The following EPN1 variants were observed in gnomAD, a reference collection of about 807,000 sequenced individuals.
The protein encoded by EPN1 is epsin 1.
A neutral mutation model predicts 56.9 loss-of-function variants in EPN1; 25 were observed. That is an observed-to-expected ratio of 0.44 (90% CI 0.32 to 0.61). The LOEUF is 0.61. Among genes scored for constraint, EPN1 ranks in the 20% least tolerant of loss-of-function variants. The pLI, the probability that EPN1 is intolerant of heterozygous loss-of-function variation, is 0.05. For synonymous variants in EPN1, 411 were observed against 361.8 expected (o/e 1.14, Z -1.54); for missense variants, 785 against 823.7 (o/e 0.95, Z 0.58).
rs751372828 is a variant in EPN1 at position 55,708,999 on chromosome 19, C to CA, written c.*13644dup. The CA allele has an allele frequency of 2.5e-6, 4 of 1,589,080 alleles. No homozygotes were observed. In the African/African-American group the frequency reaches 5.5e-5, roughly 22 times the overall value. On this transcript the variant is annotated 3_prime_UTR_variant, in exon 11 of 11. Transcript: ENST00000270460. ...GATGGGGAATTTTTTCTTCCACAGACATCAGGATCTTCTGAGTTTCTTCAT... is the reference window on the plus strand; with the variant it reads ...GATGGGGAATTTTTTCTTCCACAGACAATCAGGATCTTCTGAGTTTCTTCAT...
Position 55,695,514 on chromosome 19 carries a change from A to T in EPN1, c.*158A>T. The T allele has an allele frequency of 1.8e-6, 1 of 558,886 alleles. No homozygotes were observed. Among genetic ancestry groups the T allele is most frequent in the Non-Finnish European group, 3.2e-6 (1 of 315,494 alleles). The allele number at this position is 558,886 out of a possible 1,614,324, so 34.6% of individuals were successfully genotyped here. A position where few individuals can be genotyped will look rare whatever the true frequency, so the allele number is the denominator to read the frequency against. On this transcript the variant is annotated 3_prime_UTR_variant, in exon 11 of 11. Transcript: ENST00000270460. This position sits in a 1 kb window ranked among gnomAD's most constrained non-coding sequence, Gnocchi z 4.4. ...CTACACCCTCTTCCTTTCCCACCCC[A>T]CCTCCCCGGAGAGAAACTGGACATG... is the stretch of plus-strand genomic sequence containing the variant.
chr19:55,686,157 G>A (rs1457901860), intron 3 of EPN1, among the ~76,000 whole-genome samples: 1 of 152,206 alleles, frequency 6.6e-6, no homozygotes, highest in African/African-American at 2.4e-5. Flanking sequence ...GACTCAGTCT[G>A]GTGGGTGGTG....
At chr19:55,693,599 G>A (rs1986722410) in intron 9 of EPN1, among the ~76,000 whole-genome samples, 1 of 152,210 alleles carries the variant, frequency 6.6e-6, no homozygotes, top group Non-Finnish European at 1.5e-5. Context: ...AGTGCCCGAG[G>A]TCATAGTGGG....
Position 55,694,498 on chromosome 19 carries a change from C to T in EPN1, c.1265-228C>T. 4.4e-6 allele frequency: 2 copies of T among 453,780 alleles called. No individual in the cohort carries two copies. The highest frequency in any genetic ancestry group is 6.7e-5 in the East Asian group (2 of 29,642). The allele number at this position is 453,780 out of a possible 1,614,324, so 28.1% of individuals were successfully genotyped here. A position where few individuals can be genotyped will look rare whatever the true frequency, so the allele number is the denominator to read the frequency against. On this transcript the variant is annotated intron_variant, in intron 9 of 10. Coordinates refer to ENST00000270460, the MANE Select transcript of EPN1 (RefSeq NM_001130072.2). This position sits in a 1 kb window ranked among gnomAD's most constrained non-coding sequence, Gnocchi z 4.2. ...AGAGGGTGACACCTGCTTCTGTCAT[C>T]CCTCTTGTGTTTGCTCACTGGAATC...
intron 2 of EPN1, among the ~76,000 whole-genome samples, chr19:55,680,485 A>C (rs1372782004): frequency 6.6e-6 from 1 of 152,158 alleles, no homozygotes; most frequent in Non-Finnish European, 1.5e-5. Flanking sequence ...CTCCACCCTG[A>C]ACCACTGGTT....
chr19:55,691,186 A>G lies in EPN1; in HGVS notation c.763-568A>G, dbSNP rs1206216386. Among the ~76,000 whole-genome samples the G allele has an allele frequency of 6.6e-6, 1 of 151,318 alleles. No homozygotes were observed. The highest frequency in any genetic ancestry group is 1.5e-5 in the Non-Finnish European group (1 of 67,772). ...TGCAGTGCGATGACTGCGGGGTGAC[A>G]GTGGGGCAATGGGCGTGGGAAGGCC... On this transcript the variant is annotated intron_variant, in intron 6 of 10. Transcript: ENST00000270460. This position sits in a 1 kb window ranked among gnomAD's most constrained non-coding sequence, Gnocchi z 5.6.
At chr19:55,679,922 G>A (rs1369249769) in intron 2 of EPN1, among the ~76,000 whole-genome samples, 2 of 152,184 alleles carry the variant, frequency 1.3e-5, no homozygotes, top group Non-Finnish European at 2.9e-5. Flanking sequence ...AACGAGGAGG[G>A]ATGGGGCTGG....
Position 55,705,799 on chromosome 19 carries a change from T to TTGTTGTTTTTTATTTAGAG in EPN1, c.*10449_*10450insTTTTTATTTAGAGTGTTGT, listed in dbSNP as rs1987361527. 1 of 83,688 alleles carries TTGTTGTTTTTTATTTAGAG rather than the reference T, an allele frequency of 1.2e-5. No homozygotes were observed. Among genetic ancestry groups the TTGTTGTTTTTTATTTAGAG allele is most frequent in the African/African-American group, 6.5e-5 (1 of 15,330 alleles). The allele number at this position is 83,688 out of a possible 1,614,324, so 5.2% of individuals were successfully genotyped here. A position where few individuals can be genotyped will look rare whatever the true frequency, so the allele number is the denominator to read the frequency against. On this transcript the variant is annotated 3_prime_UTR_variant, in exon 11 of 11. Transcript: ENST00000270460. ...ACTGACATTGTGGCTGGAATATTTG[T>TTGTTGTTTTTTATTTAGAG]TGTTGTGGGATATATATATATATAT...
In EPN1 at chr19:55,705,798, G is replaced by T. The variant is rs1271417365; in HGVS notation, c.*10442G>T. ...TACTGACATTGTGGCTGGAATATTT[G>T]TTGTTGTGGGATATATATATATATA... On this transcript the variant is annotated 3_prime_UTR_variant, in exon 11 of 11. Coordinates refer to ENST00000270460, the MANE Select transcript of EPN1 (RefSeq NM_001130072.2). The T allele has an allele frequency of 1.2e-5, 1 of 84,182 alleles. No homozygotes were observed. Among genetic ancestry groups the T allele is most frequent in the African/African-American group, 6.5e-5 (1 of 15,332 alleles). The allele number at this position is 84,182 out of a possible 1,614,324, so 5.2% of individuals were successfully genotyped here. A position where few individuals can be genotyped will look rare whatever the true frequency, so the allele number is the denominator to read the frequency against.
In EPN1 at chr19:55,691,850, C is replaced by A. The variant is rs1450082334; in HGVS notation, c.859C>A (p.Pro287Thr). Reference sequence around the variant, plus strand: ...CCCAGCACCCATGGCTGCTGCCGTCCCCACGGCTGCCCCCACCTCGGACCC... The same window carrying A: ...CCCAGCACCCATGGCTGCTGCCGTCACCACGGCTGCCCCCACCTCGGACCC... ...GGPAPMAAAVPTAAPTSDPWG... is the reference protein window; with the variant it reads ...GGPAPMAAAVTTAAPTSDPWG... Residue 287 changes from proline to threonine, a missense_variant, in exon 7 of 11, where the codon CCC becomes ACC. Physicochemically the swap from Pro to Thr is conservative, Grantham distance 38 (BLOSUM62 -1). Around this residue, in one of 2 missense-constraint regions of EPN1, gnomAD observed 650 missense variants for 605.0 expected, o/e 1.07. Transcript: ENST00000270460. The surrounding 1 kb of genome is among the most constrained non-coding windows in gnomAD (Gnocchi z 5.6). 2 of 1,605,088 alleles carry A rather than the reference C, an allele frequency of 1.2e-6. No individual in the cohort carries two copies. Among genetic ancestry groups the A allele is most frequent in the Admixed American group, 3.4e-5 (2 of 59,296 alleles).
rs939073976 is a variant in EPN1, at chr19:55,701,026, C to G, written c.*5670C>G. 1 of 152,228 alleles carries G rather than the reference C, an allele frequency of 6.6e-6. No individual in the cohort carries two copies. The highest frequency in any genetic ancestry group is 2.4e-5 in the African/African-American group (1 of 41,442). 9.4% of individuals were successfully genotyped at this position (152,228 alleles called of 1,614,324 possible). Reference sequence around the variant, plus strand: ...CCGGGCTGGGACAAGCTCCAGACGGCCAGGGTGGTGTGGGTTTGCAGTGGG... The same window carrying G: ...CCGGGCTGGGACAAGCTCCAGACGGGCAGGGTGGTGTGGGTTTGCAGTGGG... On this transcript the variant is annotated 3_prime_UTR_variant, in exon 11 of 11. Coordinates refer to ENST00000270460, the MANE Select transcript of EPN1 (RefSeq NM_001130072.2).
intron 2 of EPN1, 109 bp from the exon 3 acceptor site, chr19:55,685,287 G>A: frequency 3.6e-6 from 5 of 1,391,270 alleles, no homozygotes; most frequent in Non-Finnish European, 4.9e-6. Context: ...GCGACAGGTG[G>A]GTTGTGGGCC....
chr19:55,688,493 G>A (rs1986312330), intron 3 of EPN1, among the ~76,000 whole-genome samples: 1 of 152,160 alleles, frequency 6.6e-6, no homozygotes, highest in Non-Finnish European at 1.5e-5. Context: ...AAACAGGCCT[G>A]GGAAACCTGG....
rs1987496008 is a variant in EPN1 at position 55,707,705 on chromosome 19, G to C, written c.*12349G>C. ...TCTTCCATAATATCTTTCCCATCTT[G>C]ACTGAGCATCAAATGAGGCCCACAC... On this transcript the variant is annotated 3_prime_UTR_variant, in exon 11 of 11. Transcript: ENST00000270460. 6.5e-6 allele frequency: 1 copy of C among 154,522 alleles called. No homozygotes were observed. 9.6% of individuals were successfully genotyped at this position (154,522 alleles called of 1,614,324 possible).
rs8104386 is a variant in EPN1, at chr19:55,702,952, G to A, written c.*7596G>A. 0.094 allele frequency: 14,320 copies of A among 151,912 alleles called. 851 individuals carry two copies. The highest frequency in any genetic ancestry group is 0.18 in the Middle Eastern group (53 of 292). 9.4% of individuals were successfully genotyped at this position (151,912 alleles called of 1,614,324 possible). The stretch of plus-strand genomic sequence containing the variant: ...TGGGACTACAGGCGCCCACCACCAC[G>A]CCCGGCTAAGCTAATTTTTTGTATT... On this transcript the variant is annotated 3_prime_UTR_variant, in exon 11 of 11. Transcript: ENST00000270460.
At position 55,689,939 on chromosome 19, in the gene EPN1, G is replaced by A. The variant is rs1487953307; in HGVS notation, c.751G>A (p.Gly251Ser). The A allele has an allele frequency of 1.9e-6, 3 of 1,601,940 alleles. No individual in the cohort carries two copies. Among genetic ancestry groups the A allele is most frequent in the Non-Finnish European group, 2.6e-6 (3 of 1,174,798 alleles). The change falls in exon 6 of 11, where the codon GGC becomes AGC. Residue 251 changes from glycine to serine, a missense_variant. Physicochemically the swap from Gly to Ser is moderately conservative, Grantham distance 56. Transcript: ENST00000270460. This position sits in a 1 kb window ranked among gnomAD's most constrained non-coding sequence, Gnocchi z 5.7. ...AIEESKRETGGKEESSLMDLA... is the reference protein window; with the variant it reads ...AIEESKRETGSKEESSLMDLA... ...CGAGGAGAGCAAGAGGGAGACTGGG[G>A]GCAAGGAGGAGGTGAGCGGGGCTTG...
chr19:55,686,556 C>G (rs1986181409), intron 3 of EPN1, among the ~76,000 whole-genome samples: 1 of 152,076 alleles, frequency 6.6e-6, no homozygotes, highest in Non-Finnish European at 1.5e-5. Context: ...TTGGGGAAGT[C>G]TAGGCCTTCT....
chr19:55,691,743 C>T lies in EPN1; in HGVS notation c.763-11C>T, dbSNP rs1413327926. ...CTTCTTCATGCTCCTTCTCTTCTCT[C>T]TCCCCCACAGTCGTCCCTCATGGAC... On this transcript the variant is annotated splice_polypyrimidine_tract_variant and intron_variant, in intron 6 of 10. Transcript: ENST00000270460. The surrounding 1 kb of genome is among the most constrained non-coding windows in gnomAD (Gnocchi z 5.6). The T allele has an allele frequency of 6.2e-7, 1 of 1,607,664 alleles. No homozygotes were observed. The highest frequency in any genetic ancestry group is 1.7e-5 in the Admixed American group (1 of 59,226).
In EPN1 at chr19:55,707,962, G is replaced by C. The variant is rs1375120205; in HGVS notation, c.*12606G>C. Reference sequence around the variant, plus strand: ...CTGGCCTATGCCAGCATTCTTTAAAGTTGTGGGAAAAGGCCAAAAGCAAAT... The same window carrying C: ...CTGGCCTATGCCAGCATTCTTTAAACTTGTGGGAAAAGGCCAAAAGCAAAT... On this transcript the variant is annotated 3_prime_UTR_variant, in exon 11 of 11. Transcript: ENST00000270460. 2 of 152,554 alleles carry C rather than the reference G, an allele frequency of 1.3e-5. No homozygotes were observed. Among genetic ancestry groups the C allele is most frequent in the African/African-American group, 4.8e-5 (2 of 41,478 alleles). The allele number at this position is 152,554 out of a possible 1,614,324, so 9.5% of individuals were successfully genotyped here.
Sources: allele counts gnomAD v4.1 joint callset (sites outside exome capture counted in the v4.1 genomes callset), GRCh38; gene constraint gnomAD v4.1.1; regional missense constraint gnomAD v4.1.1; non-coding constraint Gnocchi (gnomAD v3.1); transcripts MANE v1.5; gene names NCBI Gene and HGNC (gene_info 2026-07-23, HGNC 2026-07-21).